CACNA1G: variants seen among roughly 807,000 people sequenced by gnomAD.
CACNA1G encodes the protein calcium voltage-gated channel subunit alpha1 G.
In CACNA1G, 67 loss-of-function variants were observed where a neutral mutation model predicts 219.4. The observed-to-expected ratio is 0.31, with a 90% CI of 0.25 to 0.37. The LOEUF (loss-of-function observed/expected upper bound fraction) is 0.37, where lower values mean the gene tolerates loss of function less well. Ranked by LOEUF, CACNA1G falls within the 10% of genes least tolerant of loss-of-function variation. The pLI is 1.00. For synonymous variants in CACNA1G, 1,296 were observed against 1,345.3 expected, an observed-to-expected ratio of 0.96 and a Z score of 0.80; for missense variants, 2,380 against 3,231.4, an observed-to-expected ratio of 0.74 and a Z score of 6.39.
rs772296996 is a variant in CACNA1G at position 50,575,949 on chromosome 17, G to A, written c.1547G>A (p.Arg516Gln). 3.0e-5 allele frequency: 46 copies of A among 1,551,840 alleles called. No individual in the cohort carries two copies. In the Admixed American group the frequency reaches 3.9e-4, roughly 13 times the overall value. ...HLGNGTLRAP[R>Q]ASPEIQDRDA... ...GGCAATGGGACGCTCAGGGCCCCCC[G>A]GGCCAGCCCGGAGATCCAGGACAGG... The change falls in exon 8 of 38, where the codon CGG (arginine) becomes CAG (glutamine). Residue 516 changes from arginine (R) to glutamine (Q), a missense_variant. By Grantham distance (43) the Arg-to-Gln change is conservative. Coordinates refer to ENST00000359106, the MANE Select transcript of CACNA1G (RefSeq NM_018896.5).
rs1246796937 is a variant in CACNA1G at position 50,617,414 on chromosome 17, G to A, written c.5022-24G>A. 6.3e-7 allele frequency: 1 copy of A among 1,595,942 alleles called. No individual in the cohort carries two copies. The highest frequency in any genetic ancestry group is 2.3e-5 in the East Asian group (1 of 44,384). On this transcript the variant is annotated intron_variant, in intron 28 of 37. Coordinates refer to ENST00000359106, the MANE Select transcript of CACNA1G (RefSeq NM_018896.5). The surrounding 1 kb of genome is among the most constrained non-coding windows in gnomAD (Gnocchi z 5.8). ...TCAGGAACCCCCTCCCCCAACTCAG[G>A]GAGCTGTATTCTGGGCTTTCCAGGT...
chr17:50,595,140 C>T, intron 14 of CACNA1G, 79 bp downstream of exon 14: 1 of 1,054,770 alleles, frequency 9.5e-7, no homozygotes, highest in South Asian at 1.4e-5. Context: ...TGTCTCTGTG[C>T]TCGTGTTCAC....
chr17:50,604,086 C>G, intron 21 of CACNA1G, 69 bp from the exon 22 acceptor site: 1 of 1,508,668 alleles, frequency 6.6e-7, no homozygotes, highest in Non-Finnish European at 8.9e-7. Flanking sequence ...GGGTGGGGAG[C>G]AGGGTCAAGG....
At chr17:50,607,634 G>A in intron 24 of CACNA1G, 193 bp from the exon 25 acceptor site, 1 of 569,340 alleles carries the variant, frequency 1.8e-6, no homozygotes, top group Non-Finnish European at 3.1e-6. Context: ...GTTTTGGATG[G>A]AGAATCTACT....
chr17:50,596,794 G>T lies in CACNA1G; in HGVS notation c.3129G>T (p.Thr1043=). The change falls in exon 16 of 38, where the codon ACG becomes ACT. Residue 1043 remains threonine, a synonymous_variant. Transcript: ENST00000359106. The surrounding 1 kb of genome is among the most constrained non-coding windows in gnomAD (Gnocchi z 4.8). ...TGCTGCCGCCTCTCATCATCCACAC[G>T]GCCGCCACACCCATGTCGCTGCCCA... The part of the protein sequence containing the change: ...KSLLPPLIIH[T]AATPMSLPKS... 4.3e-6 allele frequency: 7 copies of T among 1,611,456 alleles called. No individual in the cohort carries two copies. Among genetic ancestry groups the T allele is most frequent in the Non-Finnish European group, 5.9e-6 (7 of 1,179,570 alleles).
At chr17:50,602,759 C>G (rs2047009812) in intron 19 of CACNA1G, 61 bp from the exon 20 acceptor site, 1 of 1,493,840 alleles carries the variant, frequency 6.7e-7, no homozygotes, top group Non-Finnish European at 9.3e-7. Flanking sequence ...GTATGCAGAG[C>G]AGACCTGGCC....
chr17:50,575,414 A>G, intron 7 of CACNA1G, 129 bp from the exon 8 acceptor site: 1 of 1,003,884 alleles, frequency 1.0e-6, no homozygotes, highest in South Asian at 1.7e-5. Context: ...CTTAAAAATA[A>G]AATGAGATAA....
rs2053786219 is a variant in CACNA1G, at chr17:50,626,286, G to A, written c.6669G>A (p.Trp2223Ter). The A allele has an allele frequency of 6.2e-7, 1 of 1,613,500 alleles. No homozygotes were observed. Among genetic ancestry groups the A allele is most frequent in the Non-Finnish European group, 8.5e-7 (1 of 1,179,874 alleles). Reference protein sequence around the residue: ...SSLELDTELSWISGDLLPPGG... With the variant: ...SSLELDTELS The stretch of plus-strand genomic sequence containing the variant: ...TAGAGTTGGACACGGAGCTGAGCTG[G>A]ATTTCAGGAGACCTCCTGCCCCCTG... Residue 2223 changes from tryptophan to a stop codon, truncating the protein, a stop_gained, in exon 38 of 38, where the codon TGG becomes TGA. Transcript: ENST00000359106. LOFTEE classifies it high-confidence loss of function. This position sits in a 1 kb window ranked among gnomAD's most constrained non-coding sequence, Gnocchi z 4.3.
In CACNA1G at chr17:50,561,717, C is replaced by G; in HGVS notation, c.242+16C>G. 2 of 1,537,248 alleles carry G rather than the reference C, an allele frequency of 1.3e-6. No individual in the cohort carries two copies. The highest frequency in any genetic ancestry group is 1.8e-6 in the Non-Finnish European group (2 of 1,141,174). On this transcript the variant is annotated intron_variant, in intron 1 of 37. Coordinates refer to ENST00000359106, the MANE Select transcript of CACNA1G (RefSeq NM_018896.5). Reference sequence around the variant, plus strand: ...TCTGTAACCCATATCCTTCGGGGCACGACGGCCAGGCGCGGGGTCAGAAGG... The same window carrying G: ...TCTGTAACCCATATCCTTCGGGGCAGGACGGCCAGGCGCGGGGTCAGAAGG...
intron 27 of CACNA1G, 76 bp from the exon 28 acceptor site, chr17:50,616,199 T>C (rs1207703198): frequency 2.3e-6 from 2 of 857,048 alleles, no homozygotes; most frequent in East Asian, 2.5e-5. Context: ...ACCTGGGCGG[T>C]ATGATGGAGG....
At chr17:50,573,896 T>A (rs1303644248) in intron 7 of CACNA1G, among the ~76,000 whole-genome samples, 1 of 152,246 alleles carries the variant, frequency 6.6e-6, no homozygotes, top group Non-Finnish European at 1.5e-5. Context: ...GCACTTTCAA[T>A]GTGCTGGTGC....
intron 26 of CACNA1G, among the ~76,000 whole-genome samples, chr17:50,613,521 G>A (rs2049725333): frequency 1.3e-5 from 2 of 152,154 alleles, no homozygotes; most frequent in Non-Finnish European, 2.9e-5. Context: ...CAGCTGCTCC[G>A]TTTGGCCTGG....
At chr17:50,594,871 A>G in intron 13 of CACNA1G, 122 bp from the exon 14 acceptor site, 1 of 651,166 alleles carries the variant, frequency 1.5e-6, no homozygotes. Context: ...CGTGTCTCTC[A>G]GTTCCCCTGC....
chr17:50,604,406 G>A (rs2047489741), intron 22 of CACNA1G, 125 bp downstream of exon 22: 9 of 1,248,590 alleles, frequency 7.2e-6, no homozygotes, highest in Non-Finnish European at 1.0e-5. Context: ...AAGCAGGGAC[G>A]CTTCCCTCCA....
intron 9 of CACNA1G, among the ~76,000 whole-genome samples, chr17:50,579,309 T>C (rs934034683): frequency 6.6e-6 from 1 of 152,154 alleles, no homozygotes; most frequent in African/African-American, 2.4e-5. Context: ...TTTGTGGGGC[T>C]GATGGCTACA....
chr17:50,572,626 G>T lies in CACNA1G; in HGVS notation c.819G>T (p.Gln273His). ...NEDESPFICS[Q>H]PRENGMRSCR... is the part of the protein sequence containing the mutation. ...ATGAGAGCCCCTTCATCTGCTCCCA[G>T]CCACGCGAGAACGGCATGCGGTCCT... is the stretch of plus-strand genomic sequence containing the variant. The change falls in exon 6 of 38, where the codon CAG (glutamine) becomes CAT (histidine). Residue 273 changes from glutamine to histidine, a missense_variant. Around this residue, in one of 17 missense-constraint regions of CACNA1G, gnomAD observed 68 missense variants for 85.3 expected, o/e 0.80. Transcript: ENST00000359106. 4 of 1,596,690 alleles carry T rather than the reference G, an allele frequency of 2.5e-6. No homozygotes were observed. Among genetic ancestry groups the T allele is most frequent in the Non-Finnish European group, 3.4e-6 (4 of 1,172,028 alleles).
At chr17:50,568,812 G>T (rs564760249) in intron 1 of CACNA1G, 58 bp from the exon 2 acceptor site, 21 of 1,371,486 alleles carry the variant, frequency 1.5e-5, no homozygotes, top group South Asian at 1.5e-4. Context: ...GTTAGGGCGG[G>T]GTCGGGGGGC....
At chr17:50,624,324 T>TCCCCCCCCCCCCCCCCCCCGGGC in intron 36 of CACNA1G, 36 bp from the exon 37 acceptor site, 1 of 1,177,662 alleles carries the variant, frequency 8.5e-7, no homozygotes, top group Non-Finnish European at 1.2e-6. Context: ...CTCCATTCTC[T>TCCCCCCCCCCCCCCCCCCCGGGC]CCCCCCACCC....
intron 36 of CACNA1G, 37 bp from the exon 37 acceptor site, chr17:50,624,323 C>T (rs893724348): frequency 3.6e-6 from 5 of 1,400,432 alleles, no homozygotes; most frequent in African/African-American, 2.9e-5. Flanking sequence ...GCTCCATTCT[C>T]TCCCCCCACC....
Sources: gnomAD v4.1 joint callset for allele counts (sites outside exome capture counted in the v4.1 genomes callset) on GRCh38, gnomAD v4.1.1 for gene constraint, gnomAD v4.1.1 regional missense constraint, Gnocchi (gnomAD v3.1) non-coding constraint, MANE v1.5 for transcripts, NCBI Gene and HGNC (gene_info 2026-07-23, HGNC 2026-07-21) for gene names.